GRID2IP: variants seen among roughly 807,000 people sequenced by gnomAD.
GRID2IP encodes delphilin.
A neutral mutation model predicts 114.3 loss-of-function variants in GRID2IP; 78 were observed. The observed-to-expected ratio is 0.68, with a 90% confidence interval of 0.57 to 0.82. The LOEUF (loss-of-function observed/expected upper bound fraction) is 0.82. Among genes scored for constraint, GRID2IP ranks in the 40% least tolerant of loss-of-function variants. The pLI, the probability that GRID2IP is intolerant of heterozygous loss-of-function variation, is 0.00. For missense variants in GRID2IP, 1,727 were observed against 1,678.5 expected, an observed-to-expected ratio of 1.03 and a Z score of -0.51; for synonymous variants, 809 against 724.0, an observed-to-expected ratio of 1.12 and a Z score of -1.89.
At position 6,506,681 on chromosome 7, in the gene GRID2IP, AT is replaced by A. The variant is rs1209965102; in HGVS notation, c.2545-775del. Among the ~76,000 whole-genome samples the A allele has an allele frequency of 3.9e-4, 52 of 134,024 alleles. No homozygotes were observed. The highest frequency in any genetic ancestry group is 1.9e-3 in the East Asian group (9 of 4,708). The allele number at this position is 134,024 out of a possible 152,430, so 87.9% of individuals were successfully genotyped here. ...ATTTGTGCCCTTGTCTCACTGAGGT[AT>A]TTTTTTTTTTTTTTTTTTAGATAGG... On this transcript the variant is annotated intron_variant, in intron 13 of 21. Transcript: ENST00000457091. The surrounding 1 kb of genome is among the most constrained non-coding windows in gnomAD (Gnocchi z 5.2).
chr7:6,549,544 C>A (rs1039888729), intron 1 of GRID2IP, among the ~76,000 whole-genome samples: 4 of 152,222 alleles, frequency 2.6e-5, no homozygotes, highest in African/African-American at 9.6e-5. Flanking sequence ...CCAGCCAGGC[C>A]GCTGTGCAAG....
chr7:6,527,851 CCAGTTCAAGCAATTCTTCTGCCT>C (rs887774342), intron 2 of GRID2IP, among the ~76,000 whole-genome samples: 1 of 151,530 alleles, frequency 6.6e-6, no homozygotes, highest in African/African-American at 2.4e-5. Flanking sequence ...CTCCACCTCC[CCAGTTCAAGCAATTCTTCTGCCT>C]CAGCCTCCCG....
Position 6,498,239 on chromosome 7 carries a change from T to A in GRID2IP, c.3400-11A>T. 8 of 1,531,322 alleles carry A rather than the reference T, an allele frequency of 5.2e-6. No homozygotes were observed. Among genetic ancestry groups the A allele is most frequent in the Non-Finnish European group, 7.0e-6 (8 of 1,139,280 alleles). The allele number at this position is 1,531,322 out of a possible 1,614,324, so 94.9% of individuals were successfully genotyped here. ...CGTCTCCAGGAAGGACTGACAGGCC[T>A]CAGTTAAGGAAACAGCCAGCCCGCT... On this transcript the variant is annotated splice_polypyrimidine_tract_variant and intron_variant, in intron 20 of 21. Coordinates refer to ENST00000457091, the MANE Select transcript of GRID2IP (RefSeq NM_001145118.2).
intron 20 of GRID2IP, among the ~76,000 whole-genome samples, chr7:6,501,004 C>G (rs913170768): frequency 6.6e-6 from 1 of 152,186 alleles, no homozygotes; most frequent in Non-Finnish European, 1.5e-5. Context: ...TTGGGGCACT[C>G]AAAAGAGCTC....
At chr7:6,503,915 C>T (rs60806867) in intron 15 of GRID2IP, among the ~76,000 whole-genome samples, 1 of 139,294 alleles carries the variant, frequency 7.2e-6, no homozygotes, top group Non-Finnish European at 1.5e-5. Flanking sequence ...TTGGCCTGGG[C>T]TAAGGGGAAG....
intron 2 of GRID2IP, among the ~76,000 whole-genome samples, chr7:6,530,819 A>G (rs551155719): frequency 5.3e-5 from 8 of 152,172 alleles, no homozygotes; most frequent in African/African-American, 1.9e-4. Flanking sequence ...TTTTATCCCA[A>G]CACCGACTCT....
chr7:6,502,339 C>G (rs1245422894), intron 18 of GRID2IP, among the ~76,000 whole-genome samples: 1 of 152,142 alleles, frequency 6.6e-6, no homozygotes. Flanking sequence ...ATCCTTCCAC[C>G]TCAGTCTCCC....
In GRID2IP at chr7:6,508,916, C is replaced by A; in HGVS notation, c.2127+42G>T. On this transcript the variant is annotated intron_variant, in intron 12 of 21. Transcript: ENST00000457091. The surrounding 1 kb of genome is among the most constrained non-coding windows in gnomAD (Gnocchi z 5.6). ...ACTGTTGCCTTGCAGACCGCCACAC[C>A]TCGCCTCACCCGCCTCCCTCCACAC... The A allele has an allele frequency of 6.6e-7, 1 of 1,523,552 alleles. No homozygotes were observed. The highest frequency in any genetic ancestry group is 8.8e-7 in the Non-Finnish European group (1 of 1,138,834). 94.4% of individuals were successfully genotyped at this position (1,523,552 alleles called of 1,614,324 possible).
At position 6,503,065 on chromosome 7, in the gene GRID2IP, G is replaced by C. The variant is rs1346826151; in HGVS notation, c.3006C>G (p.Cys1002Trp). The change falls in exon 17 of 22, where the codon TGC becomes TGG. Residue 1002 changes from cysteine (C) to tryptophan (W), a missense_variant. By Grantham distance (215) the Cys-to-Trp change is radical. Transcript: ENST00000457091. ...TGAGCTCCAGGGAGGCCTGGCGCAA[G>C]CATTCAAGGCTGCCTCGGATCTCCT... ...KTEEIRGSLE[C>W]LRQASLELKN... 1.9e-6 allele frequency: 3 copies of C among 1,551,548 alleles called. No homozygotes were observed. The highest frequency in any genetic ancestry group is 1.7e-4 in the Middle Eastern group (1 of 5,990).
chr7:6,512,497 C>G (rs534481352), intron 8 of GRID2IP, among the ~76,000 whole-genome samples: 3 of 151,562 alleles, frequency 2.0e-5, no homozygotes, highest in Admixed American at 6.6e-5. Flanking sequence ...CATACCACCA[C>G]GCCTGGCTAA....
chr7:6,517,660 T>C (rs1035405170), intron 7 of GRID2IP, among the ~76,000 whole-genome samples: 2 of 151,970 alleles, frequency 1.3e-5, no homozygotes, highest in African/African-American at 2.4e-5. Context: ...TCCCAGCACT[T>C]TGGCAGGCTG....
chr7:6,529,961 CTTT>C (rs71008398), intron 2 of GRID2IP, among the ~76,000 whole-genome samples: 2 of 111,834 alleles, frequency 1.8e-5, no homozygotes, highest in African/African-American at 4.0e-5. Flanking sequence ...CTCTCTCTCT[CTTT>C]TTTTTTTTTT....
intron 1 of GRID2IP, among the ~76,000 whole-genome samples, chr7:6,540,986 G>A (rs922085491): frequency 6.6e-6 from 1 of 151,978 alleles, no homozygotes; most frequent in Non-Finnish European, 1.5e-5. Flanking sequence ...ACAAGTATGT[G>A]CCTACATGCT....
At position 6,526,288 on chromosome 7, in the gene GRID2IP, G is replaced by A. The variant is rs1173368146; in HGVS notation, c.855C>T (p.Gly285=). 11 of 1,551,992 alleles carry A rather than the reference G, an allele frequency of 7.1e-6. No individual in the cohort carries two copies. The East Asian group carries it at 9.8e-5, about 14-fold the overall frequency. ...GARRTVRVYK[G]NKSFGFTLRG... The stretch of plus-strand genomic sequence containing the variant: ...GAAGTGTGAAGCCGAAGCTCTTGTT[G>A]CCTTTGTAGACTCGGACAGTCCTGG... The change falls in exon 4 of 22, where the codon GGC becomes GGT. Residue 285 remains glycine (G), a synonymous_variant. Coordinates refer to ENST00000457091, the MANE Select transcript of GRID2IP (RefSeq NM_001145118.2). The surrounding 1 kb of genome is among the most constrained non-coding windows in gnomAD (Gnocchi z 7.6).
At position 6,514,359 on chromosome 7, in the gene GRID2IP, G is replaced by GGGAGAGC. The variant is rs763481982; in HGVS notation, c.1423+15_1423+16insGCTCTCC. 328 of 1,487,116 alleles carry GGGAGAGC rather than the reference G, an allele frequency of 2.2e-4. 3 individuals carry two copies. The South Asian group carries it at 4.0e-3, about 18-fold the overall frequency. 92.1% of individuals were successfully genotyped at this position (1,487,116 alleles called of 1,614,324 possible). ...GCAGCTGCAGGCAGGGAAGTGGCAG[G>GGGAGAGC]GGAGAGGACGCTTACCTGTCATGGC... On this transcript the variant is annotated intron_variant, in intron 8 of 21. Coordinates refer to ENST00000457091, the MANE Select transcript of GRID2IP (RefSeq NM_001145118.2).
chr7:6,550,989 T>TCCCACCC lies in GRID2IP; in HGVS notation c.429+12_429+18dup, dbSNP rs1779965906. 1 of 565,006 alleles carries TCCCACCC rather than the reference T, an allele frequency of 1.8e-6. No individual in the cohort carries two copies. Among genetic ancestry groups the TCCCACCC allele is most frequent in the African/African-American group, 4.0e-5 (1 of 25,134 alleles). The allele number at this position is 565,006 out of a possible 1,614,324, so 35.0% of individuals were successfully genotyped here. A position where few individuals can be genotyped will look rare whatever the true frequency, so the allele number is the denominator to read the frequency against. ...GAGCCCCCTCCTTCCCGCCCCCACC[T>TCCCACCC]CCCACCCCCGCGCCTTACCTTGCGG... On this transcript the variant is annotated intron_variant, in intron 1 of 21. Transcript: ENST00000457091.
In GRID2IP at chr7:6,509,326, T is replaced by C; in HGVS notation, c.1772-13A>G. 6.7e-7 allele frequency: 1 copy of C among 1,488,386 alleles called. No homozygotes were observed. The highest frequency in any genetic ancestry group is 1.4e-5 in the South Asian group (1 of 73,488). The allele number at this position is 1,488,386 out of a possible 1,614,324, so 92.2% of individuals were successfully genotyped here. ...AGGGTCCTGGGCCCTGGAGGAGGGA[T>C]GGAGTATGAGGATTCCTCTTCAGCC... On this transcript the variant is annotated splice_polypyrimidine_tract_variant and intron_variant, in intron 11 of 21. Coordinates refer to ENST00000457091, the MANE Select transcript of GRID2IP (RefSeq NM_001145118.2). This position sits in a 1 kb window ranked among gnomAD's most constrained non-coding sequence, Gnocchi z 4.9.
chr7:6,548,327 G>C (rs570394932), intron 1 of GRID2IP, among the ~76,000 whole-genome samples: 2 of 152,020 alleles, frequency 1.3e-5, no homozygotes, highest in East Asian at 2.0e-4. Flanking sequence ...TATTCCCTGG[G>C]CAACAGAGCG....
intron 1 of GRID2IP, 130 bp from the exon 2 acceptor site, chr7:6,540,002 C>G: frequency 1.0e-5 from 7 of 679,510 alleles, no homozygotes; most frequent in South Asian, 2.0e-5. Context: ...CACCTGAGTG[C>G]TATGCCCATA....
Sources: gnomAD v4.1 joint callset for allele counts (sites outside exome capture counted in the v4.1 genomes callset) on GRCh38, gnomAD v4.1.1 for gene constraint, Gnocchi (gnomAD v3.1) non-coding constraint, MANE v1.5 for transcripts, NCBI Gene and HGNC (gene_info 2026-07-23, HGNC 2026-07-21) for gene names.